CRYL1: variants seen among roughly 807,000 people sequenced by gnomAD.
CRYL1 encodes crystallin lambda 1.
A neutral mutation model predicts 36.6 loss-of-function variants in CRYL1; 29 were observed. The ratio of observed to expected loss-of-function variants is 0.79; its 90% CI spans 0.59 to 1.08. CRYL1 has a LOEUF of 1.08. Ranked by LOEUF, CRYL1 falls within the 50% of genes least tolerant of loss-of-function variation. CRYL1 has a pLI of 0.00. For synonymous variants in CRYL1, 152 were observed against 151.5 expected (o/e 1.00, Z -0.02); for missense variants, 411 against 407.9 (o/e 1.01, Z -0.06).
At chr13:20,423,149 T>C (rs552166327) in intron 5 of CRYL1, among the ~76,000 whole-genome samples, 1 of 152,246 alleles carries the variant, frequency 6.6e-6, no homozygotes, top group African/African-American at 2.4e-5. Flanking sequence ...GCAACTTTAC[T>C]GAATTTATTT....
chr13:20,426,865 C>A (rs2031944965), intron 5 of CRYL1: 1 of 985,498 alleles, frequency 1.0e-6, no homozygotes, highest in Non-Finnish European at 1.2e-6. Context: ...AATCAAGAGA[C>A]CAAGAACTCA....
At chr13:20,420,976 G>A (rs1250289597) in intron 5 of CRYL1, among the ~76,000 whole-genome samples, 3 of 151,708 alleles carry the variant, frequency 2.0e-5, no homozygotes, top group African/African-American at 7.3e-5. Context: ...CTCATGATCC[G>A]TCCGCCTTGG....
At chr13:20,424,792 A>G (rs933521784) in intron 5 of CRYL1, among the ~76,000 whole-genome samples, 26 of 152,190 alleles carry the variant, frequency 1.7e-4, no homozygotes, top group African/African-American at 5.8e-4. Flanking sequence ...GCCTCAGAGC[A>G]ACAGGAAGAA....
intron 3 of CRYL1, among the ~76,000 whole-genome samples, chr13:20,485,099 C>G (rs1009156390): frequency 1.2e-4 from 18 of 152,124 alleles, no homozygotes; most frequent in African/African-American, 4.3e-4. Flanking sequence ...CTCACTGCAA[C>G]CTTTACCTCC....
chr13:20,457,815 T>C (rs1172148154), intron 3 of CRYL1, among the ~76,000 whole-genome samples: 1 of 152,212 alleles, frequency 6.6e-6, no homozygotes, highest in Non-Finnish European at 1.5e-5. Flanking sequence ...CTCGTTTAAC[T>C]TTCACTCACT....
intron 4 of CRYL1, among the ~76,000 whole-genome samples, chr13:20,433,355 C>T (rs918480159): frequency 6.6e-5 from 10 of 152,202 alleles, no homozygotes; most frequent in African/African-American, 2.4e-5. Context: ...GAGCACTGAG[C>T]CAAGTATACC....
At chr13:20,472,262 A>G (rs2033076322) in intron 3 of CRYL1, among the ~76,000 whole-genome samples, 1 of 152,218 alleles carries the variant, frequency 6.6e-6, no homozygotes, top group Non-Finnish European at 1.5e-5. Context: ...AATACCTTAT[A>G]CAGTGTAAAT....
chr13:20,489,600 C>T (rs1374855579), intron 2 of CRYL1, 104 bp from the exon 3 acceptor site: 4 of 1,370,876 alleles, frequency 2.9e-6, no homozygotes, highest in Non-Finnish European at 3.0e-6. Context: ...AGCAGAACCA[C>T]AGTGAGATAC....
intron 3 of CRYL1, among the ~76,000 whole-genome samples, chr13:20,472,777 C>T (rs2033088268): frequency 6.6e-6 from 1 of 152,216 alleles, no homozygotes; most frequent in African/African-American, 2.4e-5. Flanking sequence ...CGAACACCTT[C>T]TGCATCTCCC....
intron 5 of CRYL1, among the ~76,000 whole-genome samples, chr13:20,424,023 A>C (rs7983089): frequency 0.99 from 151,284 of 152,144 alleles, 75,221 homozygotes; most frequent in East Asian, 1. Flanking sequence ...CCTGCCTTGG[A>C]TTCCGAAAGT....
intron 2 of CRYL1, among the ~76,000 whole-genome samples, chr13:20,496,567 C>A (rs2033607751): frequency 6.6e-6 from 1 of 152,122 alleles, no homozygotes; most frequent in South Asian, 2.1e-4. Flanking sequence ...TATCTCTGCT[C>A]CCTCCAGAAA....
intron 4 of CRYL1, among the ~76,000 whole-genome samples, chr13:20,437,268 C>T (rs1312738273): frequency 2.6e-5 from 4 of 151,514 alleles, no homozygotes; most frequent in East Asian, 1.9e-4. Flanking sequence ...TAATTAACAT[C>T]GGTTTTGTTT....
chr13:20,445,864 G>T (rs2032441857), intron 3 of CRYL1, among the ~76,000 whole-genome samples: 1 of 152,232 alleles, frequency 6.6e-6, no homozygotes, highest in Non-Finnish European at 1.5e-5. Context: ...TGGCATGGTT[G>T]TTGGGTTTAA....
At chr13:20,412,767 T>C (rs1262929130) in intron 6 of CRYL1, among the ~76,000 whole-genome samples, 2 of 152,164 alleles carry the variant, frequency 1.3e-5, no homozygotes, top group African/African-American at 4.8e-5. Flanking sequence ...GGCCAATGTC[T>C]GGTCTGCCCC....
intron 3 of CRYL1, among the ~76,000 whole-genome samples, chr13:20,462,372 A>C (rs1185422763): frequency 6.6e-6 from 1 of 151,404 alleles, no homozygotes; most frequent in African/African-American, 2.4e-5. Context: ...CAGAAACAAA[A>C]TAAACTATGA....
chr13:20,519,481 G>A (rs1460329450), intron 1 of CRYL1, among the ~76,000 whole-genome samples: 6 of 152,146 alleles, frequency 3.9e-5, no homozygotes, highest in African/African-American at 1.4e-4. Flanking sequence ...ACACTACATG[G>A]GTTGGGCGCA....
At chr13:20,480,851 T>C (rs9506495) in intron 3 of CRYL1, among the ~76,000 whole-genome samples, 90,818 of 152,126 alleles carry the variant, frequency 0.6, 28,610 homozygotes, top group South Asian at 0.75. Flanking sequence ...CTTAGCATTT[T>C]TTCAAGTCCT....
At chr13:20,471,716 C>T (rs1401511384) in intron 3 of CRYL1, among the ~76,000 whole-genome samples, 1 of 152,140 alleles carries the variant, frequency 6.6e-6, no homozygotes, top group Admixed American at 6.5e-5. Context: ...TACAGTCATC[C>T]CCCGGGATCC....
intron 3 of CRYL1, among the ~76,000 whole-genome samples, chr13:20,447,793 C>T (rs1413696295): frequency 6.6e-6 from 1 of 152,156 alleles, no homozygotes; most frequent in African/African-American, 2.4e-5. Context: ...TTATACCTTG[C>T]TCAATTCCCA....
Sources: gnomAD v4.1 joint callset for allele counts (sites outside exome capture counted in the v4.1 genomes callset) on GRCh38, gnomAD v4.1.1 for gene constraint, MANE v1.5 for transcripts, NCBI Gene and HGNC (gene_info 2026-07-23, HGNC 2026-07-21) for gene names.